The following LRIG2 variants were observed in gnomAD, a reference collection of about 807,000 sequenced individuals.
LRIG2 encodes leucine rich repeats and immunoglobulin like domains 2.
Under a neutral mutation model 107.8 loss-of-function variants are expected in LRIG2, and 93 were observed. The observed-to-expected ratio is 0.86, with a 90% CI of 0.73 to 1.03. LRIG2 has a LOEUF of 1.03. LRIG2 is among the 50% of genes least tolerant of loss of function. The pLI is 0.00. For synonymous variants in LRIG2, 471 were observed against 470.6 expected, an observed-to-expected ratio of 1.00 and a Z score of -0.01; for missense variants, 1,226 against 1,296.0, an observed-to-expected ratio of 0.95 and a Z score of 0.83.
Position 113,116,293 on chromosome 1 carries a change from T to C in LRIG2, c.2537T>C (p.Leu846Pro), listed in dbSNP as rs771531560. Reference protein sequence around the residue: ...EDYSITNTEELNLPADIPSYL... With the variant: ...EDYSITNTEEPNLPADIPSYL... ...AAAAATGTCTCTTTTACAGAGGAGC[T>C]CAATCTGCCTGCAGACATTCCCAGC... Residue 846 changes from leucine (L) to proline (P), a missense_variant, in exon 16 of 18, where the codon CTC becomes CCC. Physicochemically the swap from Leu to Pro is moderately conservative, Grantham distance 98. Around this residue, in one of 3 missense-constraint regions of LRIG2, gnomAD observed 642 missense variants for 712.2 expected, o/e 0.90. Coordinates refer to ENST00000361127, the MANE Select transcript of LRIG2 (RefSeq NM_014813.3). The C allele has an allele frequency of 1.9e-6, 3 of 1,612,120 alleles. 1 individual carries two copies. Among genetic ancestry groups the C allele is most frequent in the South Asian group, 2.2e-5 (2 of 90,764 alleles).
intron 1 of LRIG2, among the ~76,000 whole-genome samples, chr1:113,075,255 A>G (rs1652921395): frequency 6.6e-6 from 1 of 152,144 alleles, no homozygotes; most frequent in Non-Finnish European, 1.5e-5. Context: ...GTTGAAGTGC[A>G]ATTAAAATAT....
chr1:113,120,244 G>A (rs1461553557), intron 17 of LRIG2, among the ~76,000 whole-genome samples: 1 of 151,124 alleles, frequency 6.6e-6, no homozygotes, highest in East Asian at 2.0e-4. Flanking sequence ...GAGGTCAGGA[G>A]TTTGAGACCA....
At chr1:113,109,912 A>G (rs1654699185) in intron 12 of LRIG2, among the ~76,000 whole-genome samples, 1 of 152,222 alleles carries the variant, frequency 6.6e-6, no homozygotes, top group Non-Finnish European at 1.5e-5. Flanking sequence ...GTTTTTCCCC[A>G]ATAACTGATA....
At position 113,114,708 on chromosome 1, in the gene LRIG2, A is replaced by G. The variant is rs1299892532; in HGVS notation, c.2362A>G (p.Asn788Asp). ...HIYLNVISSP[N>D]CDSSQSSIGH... is the part of the protein sequence containing the mutation. ...TTACCTAAATGTCATTTCATCCCCC[A>G]ATTGTGACTCTTCCCAGAGTAGCAT... is the stretch of plus-strand genomic sequence containing the variant. Residue 788 changes from asparagine to aspartate, a missense_variant, in exon 15 of 18, where the codon AAT (asparagine) becomes GAT (aspartate). Asn to Asp is a conservative substitution (Grantham distance 23). Coordinates refer to ENST00000361127, the MANE Select transcript of LRIG2 (RefSeq NM_014813.3). The G allele has an allele frequency of 3.7e-6, 6 of 1,613,992 alleles. No individual in the cohort carries two copies. The highest frequency in any genetic ancestry group is 5.1e-6 in the Non-Finnish European group (6 of 1,180,028).
chr1:113,091,692 ACT>A (rs1338528717), intron 2 of LRIG2, among the ~76,000 whole-genome samples: 1 of 152,022 alleles, frequency 6.6e-6, no homozygotes, highest in Non-Finnish European at 1.5e-5. Flanking sequence ...AGCCAGTGAA[ACT>A]CTGTTGTATA....
At chr1:113,093,358 G>T (rs1407650058) in intron 3 of LRIG2, 72 bp from the exon 4 acceptor site, 1 of 1,562,100 alleles carries the variant, frequency 6.4e-7, no homozygotes, top group Non-Finnish European at 8.7e-7. Context: ...ATATATTGTT[G>T]ATTCTAATTA....
chr1:113,100,469 C>G lies in LRIG2; in HGVS notation c.1294C>G (p.Gln432Glu), dbSNP rs1407555358. ...GTCTATCCAAGAAAATGCTTTTTCTCAGACTCATTTAAAAGAACTGTAAGT... is the reference window on the plus strand; with the variant it reads ...GTCTATCCAAGAAAATGCTTTTTCTGAGACTCATTTAAAAGAACTGTAAGT... ...IMSIQENAFS[Q>E]THLKELILNT... Residue 432 changes from glutamine (Q) to glutamate (E), a missense_variant, in exon 11 of 18, where the codon CAG becomes GAG. Gln to Glu is a conservative substitution (Grantham distance 29). This residue lies in a region of LRIG2 where 570 missense variants were observed against 550.2 expected (regional missense o/e 1.04). Transcript: ENST00000361127. 4 of 1,519,994 alleles carry G rather than the reference C, an allele frequency of 2.6e-6. No individual in the cohort carries two copies. The highest frequency in any genetic ancestry group is 2.0e-4 in the Middle Eastern group (1 of 5,112). 94.2% of individuals were successfully genotyped at this position (1,519,994 alleles called of 1,614,324 possible). A position where few individuals can be genotyped will look rare whatever the true frequency, so the allele number is the denominator to read the frequency against.
chr1:113,110,314 T>C lies in LRIG2; in HGVS notation c.1550T>C (p.Leu517Pro). The C allele has an allele frequency of 6.2e-7, 1 of 1,614,168 alleles. No homozygotes were observed. The highest frequency in any genetic ancestry group is 1.1e-5 in the South Asian group (1 of 91,076). The change falls in exon 13 of 18, where the codon CTG becomes CCG. Residue 517 changes from leucine (L) to proline (P), a missense_variant. Physicochemically the swap from Leu to Pro is moderately conservative, Grantham distance 98. Coordinates refer to ENST00000361127, the MANE Select transcript of LRIG2 (RefSeq NM_014813.3). ...GCTCTAAGAGGCATGAATGTGACTC[T>C]GACGTGCACTGCAGTGAGCAGCAGT... ...IIALRGMNVT[L>P]TCTAVSSSDS...
chr1:113,073,596 C>G lies in LRIG2; in HGVS notation c.190C>G (p.Pro64Ala). 1 of 1,613,828 alleles carries G rather than the reference C, an allele frequency of 6.2e-7. No individual in the cohort carries two copies. Among genetic ancestry groups the G allele is most frequent in the South Asian group, 1.1e-5 (1 of 91,086 alleles). ...CTGCAGTCGCAGGAAATTGCCCGCA[C>G]CGAGCTGGAGGGCGCTGTCGGGCTT... Reference protein sequence around the residue: ...LDCSRRKLPAPSWRALSGLLP... With the variant: ...LDCSRRKLPAASWRALSGLLP... Residue 64 changes from proline (P) to alanine (A), a missense_variant, in exon 1 of 18, where the codon CCG becomes GCG. Coordinates refer to ENST00000361127, the MANE Select transcript of LRIG2 (RefSeq NM_014813.3).
In LRIG2 at chr1:113,119,314, A is replaced by C. The variant is rs764007009; in HGVS notation, c.2762A>C (p.Tyr921Ser). 3.7e-6 allele frequency: 6 copies of C among 1,613,964 alleles called. No homozygotes were observed. In the East Asian group the frequency reaches 1.3e-4, roughly 36 times the overall value. The change falls in exon 17 of 18, where the codon TAC becomes TCC. Residue 921 changes from tyrosine to serine, a missense_variant. Physicochemically the swap from Tyr to Ser is moderately radical, Grantham distance 144. Coordinates refer to ENST00000361127, the MANE Select transcript of LRIG2 (RefSeq NM_014813.3). ...TCCAGGACCCGAGAATACTGTCCAT[A>C]CACCTATATTGCTGAGGAGGACGTT... is the stretch of plus-strand genomic sequence containing the variant. ...IYSRTREYCP[Y>S]TYIAEEDVLD...
chr1:113,107,720 A>G lies in LRIG2; in HGVS notation c.1440A>G (p.Gln480=), dbSNP rs553788651. Residue 480 remains glutamine (Q), a synonymous_variant, in exon 12 of 18, where the codon CAA becomes CAG. Coordinates refer to ENST00000361127, the MANE Select transcript of LRIG2 (RefSeq NM_014813.3). ...SCAHPEWLAG[Q]SILNVDLKDF... is the part of the protein sequence containing the mutation. ...CACACCCTGAATGGCTAGCAGGGCA[A>G]AGCATCCTGAATGTGGATCTGAAAG... The G allele has an allele frequency of 6.2e-7, 1 of 1,613,362 alleles. No individual in the cohort carries two copies. Among genetic ancestry groups the G allele is most frequent in the African/African-American group, 1.3e-5 (1 of 75,004 alleles).
At chr1:113,085,075 T>A (rs554720089) in intron 1 of LRIG2, among the ~76,000 whole-genome samples, 1 of 152,342 alleles carries the variant, frequency 6.6e-6, no homozygotes, top group African/African-American at 2.4e-5. Flanking sequence ...ACCAGTTTTT[T>A]AAGGTATTTG....
intron 1 of LRIG2, among the ~76,000 whole-genome samples, chr1:113,088,136 T>G (rs1322466405): frequency 1.3e-5 from 2 of 152,188 alleles, no homozygotes; most frequent in African/African-American, 4.8e-5. Flanking sequence ...ACCTTTAGTG[T>G]TTTTTAATCT....
Position 113,090,855 on chromosome 1 carries a change from A to AAAT in LRIG2, c.240-463_240-462insAAT, listed in dbSNP as rs397981299. 2.1e-3 allele frequency among the ~76,000 whole-genome samples: 299 copies of AAAT among 140,956 alleles called. 1 individual carries two copies. The highest frequency in any genetic ancestry group is 3.5e-3 in the Middle Eastern group (1 of 284). 92.5% of individuals were successfully genotyped at this position (140,956 alleles called of 152,430 possible). On this transcript the variant is annotated intron_variant, in intron 1 of 17. Coordinates refer to ENST00000361127, the MANE Select transcript of LRIG2 (RefSeq NM_014813.3). ...TCCGTCTCAAAAAGAAAACAAAAAA[A>AAAT]TTTTTTTTTTTTTTGAGACAGAATC...
rs1175344124 is a variant in LRIG2 at position 113,112,463 on chromosome 1, A to T, written c.1799-16A>T. 1.3e-6 allele frequency: 2 copies of T among 1,586,472 alleles called. No individual in the cohort carries two copies. The highest frequency in any genetic ancestry group is 1.8e-5 in the Admixed American group (1 of 56,972). ...TTCCCTTGCCCACTTTTTCTTGGTG[A>T]TTTTTCTGGAAACAGAGATGCCATC... On this transcript the variant is annotated splice_polypyrimidine_tract_variant and intron_variant, in intron 13 of 17. Coordinates refer to ENST00000361127, the MANE Select transcript of LRIG2 (RefSeq NM_014813.3).
Position 113,129,424 on chromosome 1 carries a change from T to C in LRIG2, c.*5323T>C, listed in dbSNP as rs1425786819. 3 of 152,116 alleles carry C rather than the reference T, an allele frequency of 2.0e-5. No homozygotes were observed. Among genetic ancestry groups the C allele is most frequent in the African/African-American group, 4.8e-5 (2 of 41,424 alleles). The allele number at this position is 152,116 out of a possible 1,614,324, so 9.4% of individuals were successfully genotyped here. ...TCCTAAAGAGCCAGGTCATTTTCCA[T>C]TGTGTCAACTCAGATGGTTGAGATG... On this transcript the variant is annotated 3_prime_UTR_variant, in exon 18 of 18. Transcript: ENST00000361127.
At chr1:113,093,305 TTTAC>T in intron 3 of LRIG2, 25 bp downstream of exon 3, 13 of 1,557,276 alleles carry the variant, frequency 8.3e-6, no homozygotes, top group Non-Finnish European at 1.1e-5. Flanking sequence ...TTTCAGGTTT[TTTAC>T]TTAAATTATG....
At chr1:113,077,969 A>C (rs1653065509) in intron 1 of LRIG2, among the ~76,000 whole-genome samples, 1 of 141,390 alleles carries the variant, frequency 7.1e-6, no homozygotes, top group Non-Finnish European at 1.5e-5. Context: ...CCCACCTATG[A>C]GTGAGAACAT....
At chr1:113,104,784 C>G (rs530504047) in intron 11 of LRIG2, among the ~76,000 whole-genome samples, 1 of 152,092 alleles carries the variant, frequency 6.6e-6, no homozygotes, top group Non-Finnish European at 1.5e-5. Flanking sequence ...CCTAACTCTA[C>G]CATTTATTTT....
Sources: allele counts gnomAD v4.1 joint callset (sites outside exome capture counted in the v4.1 genomes callset), GRCh38; gene constraint gnomAD v4.1.1; regional missense constraint gnomAD v4.1.1; transcripts MANE v1.5; gene names NCBI Gene and HGNC (gene_info 2026-07-23, HGNC 2026-07-21).